Variants in STARD13 observed in about 807,000 individuals in gnomAD.
STARD13 encodes StAR related lipid transfer domain containing 13.
A neutral mutation model predicts 106.4 loss-of-function variants in STARD13; 62 were observed. The ratio of observed to expected loss-of-function variants is 0.58; its 90% confidence interval spans 0.48 to 0.72. STARD13 has a LOEUF of 0.72. Ranked by LOEUF, STARD13 falls within the 30% of genes least tolerant of loss-of-function variation. The pLI, the probability that STARD13 is intolerant of heterozygous loss-of-function variation, is 0.00. For missense variants in STARD13, 1,387 were observed against 1,424.0 expected (o/e 0.97, Z 0.42); for synonymous variants, 565 against 553.0 (o/e 1.02, Z -0.31).
chr13:33,419,338 G>T, the STARD13 span, among the ~76,000 whole-genome samples: 1 of 152,108 alleles, frequency 6.6e-6, no homozygotes, highest in Non-Finnish European at 1.5e-5. Flanking sequence ...TTCAATAGCC[G>T]ATTCAATCAA....
chr13:33,292,126 A>C (rs1892315993), intron 1 of STARD13, among the ~76,000 whole-genome samples: 1 of 152,178 alleles, frequency 6.6e-6, no homozygotes, highest in South Asian at 2.1e-4. Flanking sequence ...TAGGGGTAAA[A>C]TCCATTCACA....
the STARD13 span, among the ~76,000 whole-genome samples, chr13:33,537,023 T>C: frequency 6.6e-6 from 1 of 152,356 alleles, no homozygotes; most frequent in South Asian, 2.1e-4. Context: ...TTTATCATAG[T>C]AAAAATTTTA....
At chr13:33,136,120 C>CAAAAA (rs559244711) in intron 4 of STARD13, among the ~76,000 whole-genome samples, 18 of 145,358 alleles carry the variant, frequency 1.2e-4, no homozygotes, top group African/African-American at 4.6e-4. Flanking sequence ...GACTCTACCT[C>CAAAAA]AAAAAAAAAA....
At chr13:33,313,454 G>A (rs958109025) in intron 1 of STARD13, among the ~76,000 whole-genome samples, 1 of 152,140 alleles carries the variant, frequency 6.6e-6, no homozygotes, top group Middle Eastern at 3.4e-3. Flanking sequence ...CTGAAAGTTC[G>A]CATATGATGC....
the STARD13 span, among the ~76,000 whole-genome samples, chr13:33,487,084 C>T: frequency 5.9e-5 from 9 of 152,256 alleles, no homozygotes; most frequent in African/African-American, 1.9e-4. Context: ...AGCTCTATGA[C>T]CTTGGGCAAC....
the STARD13 span, among the ~76,000 whole-genome samples, chr13:33,659,522 G>T: frequency 6.6e-6 from 1 of 152,142 alleles, no homozygotes; most frequent in African/African-American, 2.4e-5. Flanking sequence ...CCAACCTGTG[G>T]CTTTTGATTG....
chr13:33,419,103 A>G, the STARD13 span, among the ~76,000 whole-genome samples: 2 of 152,228 alleles, frequency 1.3e-5, no homozygotes, highest in Non-Finnish European at 1.5e-5. Flanking sequence ...TCAAAGCTAG[A>G]TGGAGAATGA....
At chr13:33,580,466 A>G in the STARD13 span, among the ~76,000 whole-genome samples, 6 of 152,190 alleles carry the variant, frequency 3.9e-5, no homozygotes, top group African/African-American at 7.2e-5. Flanking sequence ...GTACAATACC[A>G]TAATGGTGGG....
intron 1 of STARD13, among the ~76,000 whole-genome samples, chr13:33,230,950 T>C (rs531316570): frequency 6.6e-6 from 1 of 152,200 alleles, no homozygotes; most frequent in Non-Finnish European, 1.5e-5. Flanking sequence ...AGTCAGAATG[T>C]TGTGGGCATA....
the STARD13 span, among the ~76,000 whole-genome samples, chr13:33,446,436 C>A: frequency 7.9e-5 from 12 of 151,654 alleles, no homozygotes; most frequent in Admixed American, 2.6e-4. Context: ...AAAAAAAAAA[C>A]CAAAATCACT....
chr13:33,359,784 T>TAC, the STARD13 span, among the ~76,000 whole-genome samples: 1 of 152,196 alleles, frequency 6.6e-6, no homozygotes, highest in African/African-American at 2.4e-5. Context: ...TCCCCACTAG[T>TAC]TTGTAGAAAT....
the STARD13 span, among the ~76,000 whole-genome samples, chr13:33,508,794 A>G: frequency 6.6e-6 from 1 of 152,236 alleles, no homozygotes; most frequent in Non-Finnish European, 1.5e-5. Flanking sequence ...GTAATGCATC[A>G]TTAGGCAATT....
chr13:33,119,180 G>A (rs1178374995), intron 7 of STARD13, among the ~76,000 whole-genome samples: 3 of 152,066 alleles, frequency 2.0e-5, no homozygotes, highest in Non-Finnish European at 2.9e-5. Context: ...GGACTTACCC[G>A]CTATTCAAAA....
intron 1 of STARD13, among the ~76,000 whole-genome samples, chr13:33,278,856 C>A (rs946127600): frequency 1.3e-5 from 2 of 152,146 alleles, no homozygotes; most frequent in African/African-American, 4.8e-5. Flanking sequence ...TTTCTCTTTT[C>A]ATCAGATTTA....
chr13:33,186,291 C>G (rs1885762907), intron 1 of STARD13, among the ~76,000 whole-genome samples: 1 of 152,092 alleles, frequency 6.6e-6, no homozygotes, highest in Non-Finnish European at 1.5e-5. Flanking sequence ...GAATCAAACC[C>G]CTAAAGAGGA....
the STARD13 span, among the ~76,000 whole-genome samples, chr13:33,530,119 GT>G: frequency 0.13 from 19,354 of 143,548 alleles, 1,328 homozygotes; most frequent in African/African-American, 0.18. Flanking sequence ...CTCTACTCAT[GT>G]TTTTTTTTTT....
At chr13:33,406,162 T>C in the STARD13 span, among the ~76,000 whole-genome samples, 2 of 152,234 alleles carry the variant, frequency 1.3e-5, no homozygotes, top group Admixed American at 1.3e-4. Flanking sequence ...GCTACTCCTC[T>C]ATATTGTTAC....
chr13:33,344,656 A>G (rs983549752), downstream of STARD13, among the ~76,000 whole-genome samples: 1 of 152,220 alleles, frequency 6.6e-6, no homozygotes, highest in East Asian at 1.9e-4. Flanking sequence ...ATTTGGTGGA[A>G]TTAATGTTTC....
rs1055107928 is a variant in STARD13, at chr13:33,203,339, T to C, written c.170-35717A>G. Among the ~76,000 whole-genome samples the C allele has an allele frequency of 5.3e-5, 8 of 152,362 alleles. No homozygotes were observed. In the East Asian group the frequency reaches 1.2e-3, roughly 22 times the overall value. The stretch of plus-strand genomic sequence containing the variant: ...AATGAAAACACAGTAATCACTCCTA[T>C]CTTTTCATATCTTATATGCTGCTAT... On this transcript the variant is annotated intron_variant, in intron 1 of 13. Transcript: ENST00000336934.
Sources: gnomAD v4.1 joint callset for allele counts (sites outside exome capture counted in the v4.1 genomes callset) on GRCh38, gnomAD v4.1.1 for gene constraint, MANE v1.5 for transcripts, NCBI Gene and HGNC (gene_info 2026-07-23, HGNC 2026-07-21) for gene names.